CLIP1: variants seen among roughly 807,000 people sequenced by gnomAD.
CLIP1 encodes CAP-Gly domain containing linker protein 1.
Under a neutral mutation model 161.6 loss-of-function variants are expected in CLIP1, and 66 were observed. That is an observed-to-expected ratio of 0.41 (90% CI 0.33 to 0.50). The LOEUF (loss-of-function observed/expected upper bound fraction) is 0.50. Among genes scored for constraint, CLIP1 ranks in the 20% least tolerant of loss-of-function variants. The pLI is 0.27. For synonymous variants in CLIP1, 598 were observed against 626.2 expected (o/e 0.96, Z 0.67); for missense variants, 1,376 against 1,702.0 (o/e 0.81, Z 3.37).
At chr12:122,321,144 A>G (rs1309325112) in intron 17 of CLIP1, among the ~76,000 whole-genome samples, 2 of 152,154 alleles carry the variant, frequency 1.3e-5, no homozygotes, top group African/African-American at 4.8e-5. Context: ...ATCAGCCATG[A>G]AGATTTCAAT....
At chr12:122,388,165 T>C (rs1418928009) in intron 1 of CLIP1, among the ~76,000 whole-genome samples, 1 of 152,104 alleles carries the variant, frequency 6.6e-6, no homozygotes, top group African/African-American at 2.4e-5. Context: ...ACATGAAAGT[T>C]TGTTAGAAAT....
intron 24 of CLIP1, 86 bp from the exon 25 acceptor site, chr12:122,274,248 G>A (rs1955299681): frequency 2.5e-6 from 3 of 1,195,448 alleles, no homozygotes; most frequent in Non-Finnish European, 3.6e-6. Context: ...ATACCTTTAA[G>A]CTCTGGCGGC....
chr12:122,282,791 AATTT>A (rs748340873), intron 21 of CLIP1, among the ~76,000 whole-genome samples: 17 of 152,166 alleles, frequency 1.1e-4, no homozygotes, highest in Non-Finnish European at 1.8e-4. Context: ...AAATATATGA[AATTT>A]ATTTATTATA....
intron 9 of CLIP1, among the ~76,000 whole-genome samples, chr12:122,347,848 G>A (rs1332628089): frequency 3.9e-5 from 6 of 152,004 alleles, no homozygotes; most frequent in East Asian, 1.9e-4. Context: ...TTATCCCTCC[G>A]CCCCACAAAG....
In CLIP1 at chr12:122,319,212, A is replaced by G. The variant is rs1276950686; in HGVS notation, c.3366+20T>C. ...TTGGTAAGCTGTTCTTTGTATAAAA[A>G]GCTATTTAAATCTGATTACTTCATT... On this transcript the variant is annotated intron_variant, in intron 18 of 25. Transcript: ENST00000620786. 6.7e-7 allele frequency: 1 copy of G among 1,484,458 alleles called. No individual in the cohort carries two copies. 92.0% of individuals were successfully genotyped at this position (1,484,458 alleles called of 1,614,324 possible). A position where few individuals can be genotyped will look rare whatever the true frequency, so the allele number is the denominator to read the frequency against.
At position 122,377,922 on chromosome 12, in the gene CLIP1, C is replaced by T. The variant is rs771241137; in HGVS notation, c.124G>A (p.Ala42Thr). ...PVEKTISSEKASSTPSSETQE... is the reference protein window; with the variant it reads ...PVEKTISSEKTSSTPSSETQE... ...GTCTCAGATGATGGAGTGCTTGATG[C>T]TTTTTCACTGGATATGGTTTTTTCT... The change falls in exon 3 of 26, where the codon GCA becomes ACA. Residue 42 changes from alanine to threonine, a missense_variant. Ala to Thr is a moderately conservative substitution (Grantham distance 58). Coordinates refer to ENST00000620786, the MANE Select transcript of CLIP1 (RefSeq NM_001247997.2). 1.2e-6 allele frequency: 2 copies of T among 1,612,752 alleles called. No individual in the cohort carries two copies. The highest frequency in any genetic ancestry group is 1.1e-5 in the South Asian group (1 of 90,876).
At chr12:122,401,221 T>G (rs1956130792) in intron 1 of CLIP1, among the ~76,000 whole-genome samples, 1 of 152,072 alleles carries the variant, frequency 6.6e-6, no homozygotes, top group African/African-American at 2.4e-5. Context: ...TGGATCCTTT[T>G]CTAAAAAGTG....
rs548266272 is a variant in CLIP1 at position 122,411,241 on chromosome 12, C to T, written c.-107+11280G>A. 5.3e-5 allele frequency among the ~76,000 whole-genome samples: 8 copies of T among 152,168 alleles called. 1 individual carries two copies. The South Asian group carries it at 1.7e-3, about 32-fold the overall frequency. On this transcript the variant is annotated intron_variant, in intron 1 of 25. Transcript: ENST00000620786. ...GACAAGCCCAGGCAACATGGCGAAA[C>T]CCTGTCTCTACTAAAACTATAAAAA...
intron 24 of CLIP1, 73 bp downstream of exon 24, chr12:122,278,081 A>C: frequency 7.2e-7 from 1 of 1,384,232 alleles, no homozygotes. Flanking sequence ...TCAAATGAGA[A>C]GGAAAATAAA....
At chr12:122,342,385 G>A (rs1952547362) in intron 10 of CLIP1, 1 of 152,198 alleles carries the variant, frequency 6.6e-6, no homozygotes, top group Non-Finnish European at 1.5e-5. Context: ...TCCATTTCAT[G>A]GAGGTGATCT....
chr12:122,333,111 T>G lies in CLIP1; in HGVS notation c.2743A>C (p.Arg915=), dbSNP rs1952061095. 6.2e-7 allele frequency: 1 copy of G among 1,613,066 alleles called. No homozygotes were observed. The highest frequency in any genetic ancestry group is 8.5e-7 in the Non-Finnish European group (1 of 1,179,592). Residue 915 remains arginine, a synonymous_variant, in exon 15 of 26, where the codon AGA becomes CGA. Coordinates refer to ENST00000620786, the MANE Select transcript of CLIP1 (RefSeq NM_001247997.2). ...MEAKFREKDE[R]EEQLIKAKEK... ...TTTGCCTTTATCAGCTGCTCTTCTC[T>G]CTCATCTTTCTCTCTAAATTTTGCC...
intron 3 of CLIP1, among the ~76,000 whole-genome samples, chr12:122,372,467 A>C (rs890766572): frequency 2.2e-4 from 34 of 151,752 alleles, no homozygotes; most frequent in Non-Finnish European, 4.6e-4. Flanking sequence ...CTGTAATCCC[A>C]GCTACGCTAC....
chr12:122,334,875 CAT>C (rs1326683380), intron 12 of CLIP1, among the ~76,000 whole-genome samples, 170 bp from the exon 13 acceptor site: 2 of 152,164 alleles, frequency 1.3e-5, no homozygotes, highest in African/African-American at 2.4e-5. Flanking sequence ...GGGTCATAAA[CAT>C]GTGCATGTAT....
At chr12:122,370,198 A>G (rs1464214983) in intron 3 of CLIP1, among the ~76,000 whole-genome samples, 1 of 146,464 alleles carries the variant, frequency 6.8e-6, no homozygotes, top group Non-Finnish European at 1.5e-5. Context: ...AAGAAAAGAA[A>G]CAGCAAAGGG....
intron 15 of CLIP1, among the ~76,000 whole-genome samples, chr12:122,328,799 T>G (rs1222432657): frequency 6.6e-6 from 1 of 152,180 alleles, no homozygotes; most frequent in Non-Finnish European, 1.5e-5. Flanking sequence ...GCCAGGATGG[T>G]CTCGATCTCC....
chr12:122,331,322 T>G (rs1951955667), intron 15 of CLIP1, among the ~76,000 whole-genome samples: 1 of 151,716 alleles, frequency 6.6e-6, no homozygotes, highest in South Asian at 2.1e-4. Context: ...CCTGGCCTTA[T>G]TCATTTTTTT....
At chr12:122,292,542 C>T (rs1226445315) in intron 20 of CLIP1, among the ~76,000 whole-genome samples, 1 of 152,174 alleles carries the variant, frequency 6.6e-6, no homozygotes, top group East Asian at 1.9e-4. Flanking sequence ...CCAGCCCTGG[C>T]ATCAGCCATT....
chr12:122,417,509 CCTTTTT>C (rs1224104713), intron 1 of CLIP1, among the ~76,000 whole-genome samples: 1 of 78,114 alleles, frequency 1.3e-5, no homozygotes, highest in Non-Finnish European at 2.1e-5. Flanking sequence ...AATTATTCTG[CCTTTTT>C]TTTTTTTTTT....
chr12:122,345,926 C>T (rs913873551), intron 10 of CLIP1, among the ~76,000 whole-genome samples: 1 of 152,036 alleles, frequency 6.6e-6, no homozygotes, highest in Non-Finnish European at 1.5e-5. Flanking sequence ...GCTGGGATTA[C>T]AGGCATGTGT....
Sources: gnomAD v4.1 joint callset for allele counts (sites outside exome capture counted in the v4.1 genomes callset) on GRCh38, gnomAD v4.1.1 for gene constraint, MANE v1.5 for transcripts, NCBI Gene and HGNC (gene_info 2026-07-23, HGNC 2026-07-21) for gene names.